TTLL11: variants seen among roughly 807,000 people sequenced by gnomAD.
TTLL11 encodes the protein tubulin tyrosine ligase like 11, also known as tubulin polyglutamylase TTLL11.
In TTLL11, 42 loss-of-function variants were observed where a neutral mutation model predicts 51.7. The ratio of observed to expected loss-of-function variants is 0.81; its 90% CI spans 0.64 to 1.05. The LOEUF is 1.05. Ranked by LOEUF, TTLL11 falls within the 50% of genes least tolerant of loss-of-function variation. The pLI is 0.00. For synonymous variants in TTLL11, 381 were observed against 383.5 expected, an observed-to-expected ratio of 0.99 and a Z score of 0.08; for missense variants, 799 against 940.4, an observed-to-expected ratio of 0.85 and a Z score of 1.97.
intron 3 of TTLL11, among the ~76,000 whole-genome samples, chr9:122,017,031 G>A (rs1043974699): frequency 6.6e-6 from 1 of 152,154 alleles, no homozygotes; most frequent in African/African-American, 2.4e-5. Context: ...TGCAAATGAA[G>A]AGCAGGGTAA....
At chr9:122,088,546 A>G (rs532555628) in intron 1 of TTLL11, among the ~76,000 whole-genome samples, 1 of 152,196 alleles carries the variant, frequency 6.6e-6, no homozygotes, top group South Asian at 2.1e-4. Flanking sequence ...CCATGTTCTC[A>G]TATGTAGAAC....
At chr9:121,875,578 A>T (rs773099957) in intron 6 of TTLL11, among the ~76,000 whole-genome samples, 15 of 152,190 alleles carry the variant, frequency 9.9e-5, no homozygotes, top group Non-Finnish European at 1.5e-4. Context: ...ACTCAGCTGG[A>T]AGAAGGCACT....
chr9:121,850,633 C>A (rs1261377155), intron 8 of TTLL11, among the ~76,000 whole-genome samples: 1 of 152,102 alleles, frequency 6.6e-6, no homozygotes, highest in Non-Finnish European at 1.5e-5. Context: ...TCTATTTGGG[C>A]CCCCAGCTGA....
At chr9:121,952,304 C>A (rs1275031552) in intron 6 of TTLL11, among the ~76,000 whole-genome samples, 1 of 151,964 alleles carries the variant, frequency 6.6e-6, no homozygotes, top group African/African-American at 2.4e-5. Flanking sequence ...AAATTAGCCA[C>A]GTGTGGTGGC....
At chr9:121,823,083 T>C (rs1836633783) in intron 8 of TTLL11, among the ~76,000 whole-genome samples, 1 of 152,218 alleles carries the variant, frequency 6.6e-6, no homozygotes, top group East Asian at 1.9e-4. Flanking sequence ...TTTATGGCCA[T>C]GTGCAGACCA....
intron 3 of TTLL11, among the ~76,000 whole-genome samples, chr9:122,026,017 A>G (rs980842537): frequency 6.6e-6 from 1 of 152,112 alleles, no homozygotes; most frequent in Non-Finnish European, 1.5e-5. Context: ...AAGAAGCCAG[A>G]CCTCCCCCGA....
intron 8 of TTLL11, among the ~76,000 whole-genome samples, chr9:121,826,694 C>T (rs1402527486): frequency 2.0e-5 from 3 of 151,400 alleles, no homozygotes; most frequent in African/African-American, 4.9e-5. Flanking sequence ...GCATCCGTGC[C>T]AAGGGTGCCT....
intron 6 of TTLL11, among the ~76,000 whole-genome samples, chr9:121,973,481 G>C (rs1340754043): frequency 1.3e-5 from 2 of 152,026 alleles, no homozygotes; most frequent in Admixed American, 6.6e-5. Flanking sequence ...CCTTGAGGGA[G>C]ACAGCTTCTT....
Position 121,936,801 on chromosome 9 carries a change from TG to T in TTLL11, c.1481+37207del, listed in dbSNP as rs939041104. 1.2e-4 allele frequency among the ~76,000 whole-genome samples: 18 copies of T among 152,250 alleles called. 1 individual carries two copies. The highest frequency in any genetic ancestry group is 2.9e-5 in the Non-Finnish European group (2 of 68,052). ...TAAAACATACATTTTAAAATAAAAT[TG>T]GGGCTATATGCAAATAGTTATGAAA... On this transcript the variant is annotated intron_variant, in intron 6 of 8. Transcript: ENST00000321582.
At chr9:121,877,316 T>C (rs894295308) in intron 6 of TTLL11, among the ~76,000 whole-genome samples, 3 of 152,214 alleles carry the variant, frequency 2.0e-5, no homozygotes, top group African/African-American at 7.2e-5. Context: ...CTTTACTGTA[T>C]AGCCCAGCTC....
intron 6 of TTLL11, among the ~76,000 whole-genome samples, chr9:121,891,927 T>G (rs1839250005): frequency 1.3e-5 from 2 of 149,352 alleles, no homozygotes; most frequent in South Asian, 4.2e-4. Context: ...TGTGTATATA[T>G]ATGATGATAA....
chr9:122,079,782 C>T (rs1845953669), intron 1 of TTLL11, among the ~76,000 whole-genome samples: 1 of 151,984 alleles, frequency 6.6e-6, no homozygotes, highest in African/African-American at 2.4e-5. Context: ...TGCTTAAGCC[C>T]TACCTCTGGG....
intron 6 of TTLL11, among the ~76,000 whole-genome samples, chr9:121,897,618 GCACACACA>G (rs745877337): frequency 7.3e-6 from 1 of 136,950 alleles, no homozygotes; most frequent in African/African-American, 2.7e-5. Flanking sequence ...TTCCCTCCAG[GCACACACA>G]CACACACACA....
intron 6 of TTLL11, among the ~76,000 whole-genome samples, chr9:121,884,041 A>C (rs1048524675): frequency 3.3e-5 from 5 of 152,248 alleles, no homozygotes; most frequent in African/African-American, 1.2e-4. Context: ...CCAAATGTAA[A>C]GAACCCAGGA....
At chr9:121,894,104 C>A (rs1839361106) in intron 6 of TTLL11, among the ~76,000 whole-genome samples, 1 of 152,128 alleles carries the variant, frequency 6.6e-6, no homozygotes, top group African/African-American at 2.4e-5. Flanking sequence ...CATGTGACAT[C>A]TCTCTCCTAT....
chr9:122,084,319 T>G (rs12003548), intron 1 of TTLL11, among the ~76,000 whole-genome samples: 65,195 of 151,926 alleles, frequency 0.43, 15,934 homozygotes, highest in African/African-American at 0.67. Context: ...TGCCTGCAAG[T>G]ACTTATAAAG....
chr9:121,906,302 C>CT (rs1285184690), intron 6 of TTLL11, among the ~76,000 whole-genome samples: 1 of 151,808 alleles, frequency 6.6e-6, no homozygotes, highest in Non-Finnish European at 1.5e-5. Flanking sequence ...AGCATGGGAA[C>CT]TTGGGATGTC....
intron 6 of TTLL11, among the ~76,000 whole-genome samples, chr9:121,871,118 C>T (rs1443939810): frequency 6.6e-6 from 1 of 152,110 alleles, no homozygotes; most frequent in African/African-American, 2.4e-5. Context: ...ATAAAAATCT[C>T]ATTGAGGACT....
chr9:121,998,736 G>A (rs1490239322), intron 3 of TTLL11, among the ~76,000 whole-genome samples: 1 of 152,160 alleles, frequency 6.6e-6, no homozygotes, highest in Non-Finnish European at 1.5e-5. Context: ...GTGCCAGGCA[G>A]TGCACTAGGC....
Sources: allele counts gnomAD v4.1 joint callset (sites outside exome capture counted in the v4.1 genomes callset), GRCh38; gene constraint gnomAD v4.1.1; transcripts MANE v1.5; gene names NCBI Gene and HGNC (gene_info 2026-07-23, HGNC 2026-07-21).